IMMP1L: variants seen among roughly 807,000 people sequenced by gnomAD.
IMMP1L encodes the protein mitochondrial inner membrane protease subunit 1.
IMMP1L carries 24 observed loss-of-function variants against 21.8 expected under a neutral mutation model. The ratio of observed to expected loss-of-function variants is 1.10; its 90% CI spans 0.80 to 1.55. The LOEUF is 1.55. Among genes scored for constraint, IMMP1L ranks in the 40% most tolerant of loss-of-function variants. The pLI, the probability that IMMP1L is intolerant of heterozygous loss-of-function variation, is 0.00. For synonymous variants in IMMP1L, 46 were observed against 62.8 expected, an observed-to-expected ratio of 0.73 and a Z score of 1.26; for missense variants, 195 against 200.7, an observed-to-expected ratio of 0.97 and a Z score of 0.17.
chr11:31,447,943 C>A (rs1953590638), intron 4 of IMMP1L, among the ~76,000 whole-genome samples: 1 of 152,130 alleles, frequency 6.6e-6, no homozygotes, highest in Non-Finnish European at 1.5e-5. Flanking sequence ...ACTTCATTTA[C>A]TTGCTTATTC....
At chr11:31,483,348 C>A (rs1319687475) in intron 1 of IMMP1L, among the ~76,000 whole-genome samples, 1 of 151,988 alleles carries the variant, frequency 6.6e-6, no homozygotes, top group Non-Finnish European at 1.5e-5. Flanking sequence ...TAAAAATACA[C>A]AGATGTATAA....
chr11:31,493,597 C>T (rs571253017), intron 1 of IMMP1L, among the ~76,000 whole-genome samples: 1 of 152,228 alleles, frequency 6.6e-6, no homozygotes, highest in African/African-American at 2.4e-5. Flanking sequence ...CCAACAGTTC[C>T]CTAAAATCTT....
At chr11:31,494,178 C>A (rs904862551) in intron 1 of IMMP1L, among the ~76,000 whole-genome samples, 2 of 152,250 alleles carry the variant, frequency 1.3e-5, no homozygotes, top group Non-Finnish European at 2.9e-5. Flanking sequence ...AAGTGCTCCA[C>A]CCCTGCAGCA....
chr11:31,433,869 TC>T, intron 4 of IMMP1L: 2 of 206,452 alleles, frequency 9.7e-6, no homozygotes, highest in Non-Finnish European at 1.9e-5. Flanking sequence ...TGTGACAGGG[TC>T]ATTAATTTAA....
At chr11:31,509,360 T>C (rs2133858344) in intron 1 of IMMP1L, 159 bp downstream of exon 1, 1 of 168,004 alleles carries the variant, frequency 6.0e-6, no homozygotes, top group East Asian at 1.5e-4. Context: ...AATCAGAAGA[T>C]AAATGAGCAG....
chr11:31,475,591 A>G (rs1311999013), intron 1 of IMMP1L, among the ~76,000 whole-genome samples: 1 of 152,038 alleles, frequency 6.6e-6, no homozygotes, highest in African/African-American at 2.4e-5. Flanking sequence ...ATTTCTTCTC[A>G]TTTCATCGTA....
intron 4 of IMMP1L, chr11:31,449,059 T>C (rs1014776773): frequency 3.6e-5 from 35 of 985,250 alleles, no homozygotes; most frequent in African/African-American, 3.3e-4. Flanking sequence ...TGCTGAGAAA[T>C]GGATGTGTAG....
At chr11:31,451,569 A>T (rs1953758870) in intron 4 of IMMP1L, among the ~76,000 whole-genome samples, 1 of 152,168 alleles carries the variant, frequency 6.6e-6, no homozygotes, top group Non-Finnish European at 1.5e-5. Flanking sequence ...TTTCTTCCCC[A>T]TATGATGGGA....
rs1954105779 is a variant in IMMP1L at position 31,460,619 on chromosome 11, A to G, written c.194+7T>C. ...GTAAATTTAATATATCCATGACAGA[A>G]ATTTACCTTTGGATACCATAAAAAT... On this transcript the variant is annotated splice_region_variant and intron_variant, in intron 3 of 5. Transcript: ENST00000532287. The G allele has an allele frequency of 6.4e-6, 10 of 1,563,910 alleles. No homozygotes were observed. The highest frequency in any genetic ancestry group is 8.8e-6 in the Non-Finnish European group (10 of 1,135,222).
intron 1 of IMMP1L, among the ~76,000 whole-genome samples, chr11:31,475,654 T>A (rs983892556): frequency 6.6e-6 from 1 of 152,226 alleles, no homozygotes; most frequent in African/African-American, 2.4e-5. Flanking sequence ...ACTGACATCA[T>A]GAGTTGCCTG....
At chr11:31,466,911 T>C (rs1178651713) in intron 1 of IMMP1L, among the ~76,000 whole-genome samples, 1 of 152,108 alleles carries the variant, frequency 6.6e-6, no homozygotes, top group Non-Finnish European at 1.5e-5. Context: ...AAGAAGATCT[T>C]TAATGTTCAC....
intron 4 of IMMP1L, among the ~76,000 whole-genome samples, chr11:31,449,387 C>T (rs1953661893): frequency 6.6e-6 from 1 of 152,154 alleles, no homozygotes; most frequent in African/African-American, 2.4e-5. Flanking sequence ...ACACAGTACA[C>T]ATTAAAGGAC....
intron 1 of IMMP1L, among the ~76,000 whole-genome samples, chr11:31,500,561 C>T (rs1490454974): frequency 6.6e-6 from 1 of 151,418 alleles, no homozygotes; most frequent in East Asian, 1.9e-4. Flanking sequence ...AAAGACACTC[C>T]TCTCTCCCCT....
At chr11:31,455,067 G>A (rs1010753929) in intron 4 of IMMP1L, among the ~76,000 whole-genome samples, 9 of 152,238 alleles carry the variant, frequency 5.9e-5, no homozygotes, top group South Asian at 2.1e-4. Context: ...CAATTACTGC[G>A]TATTTAGCAT....
chr11:31,505,664 G>A (rs138859052), intron 1 of IMMP1L, among the ~76,000 whole-genome samples: 2 of 152,222 alleles, frequency 1.3e-5, no homozygotes, highest in East Asian at 1.9e-4. Context: ...TATTGACTGC[G>A]TCTACCTCTC....
intron 4 of IMMP1L, among the ~76,000 whole-genome samples, chr11:31,445,712 G>C (rs576610262): frequency 1.4e-5 from 2 of 147,356 alleles, no homozygotes; most frequent in African/African-American, 5.3e-5. Context: ...AATTAGGCAG[G>C]TGGATGACAG....
chr11:31,484,830 A>G (rs976014318), intron 1 of IMMP1L, among the ~76,000 whole-genome samples: 3 of 151,922 alleles, frequency 2.0e-5, no homozygotes, highest in Non-Finnish European at 4.4e-5. Context: ...TCACTGCAAT[A>G]AACTACATAA....
chr11:31,452,745 C>CT (rs909637918), intron 4 of IMMP1L: 510 of 1,003,254 alleles, frequency 5.1e-4, no homozygotes, highest in South Asian at 1.2e-3. Context: ...CAAACAGCAT[C>CT]TTTTTTTTTC....
chr11:31,469,619 C>G (rs1197105202), intron 1 of IMMP1L: 1 of 152,076 alleles, frequency 6.6e-6, no homozygotes, highest in Non-Finnish European at 1.5e-5. Context: ...CTAATATAAT[C>G]AGAGACCTAA....
Sources: allele counts gnomAD v4.1 joint callset (sites outside exome capture counted in the v4.1 genomes callset), GRCh38; gene constraint gnomAD v4.1.1; transcripts MANE v1.5; gene names NCBI Gene and HGNC (gene_info 2026-07-23, HGNC 2026-07-21).